TRPM3: variants seen among roughly 807,000 people sequenced by gnomAD.
The protein encoded by TRPM3 is long transient receptor potential channel 3.
TRPM3 carries 77 observed loss-of-function variants against 181.2 expected under a neutral mutation model. That is an observed-to-expected ratio of 0.42 (90% CI 0.35 to 0.51). TRPM3 has a LOEUF of 0.51. Ranked by LOEUF, TRPM3 falls within the 20% of genes least tolerant of loss-of-function variation. The pLI, the probability that TRPM3 is intolerant of heterozygous loss-of-function variation, is 0.01. For synonymous variants in TRPM3, 745 were observed against 796.4 expected, an observed-to-expected ratio of 0.94 and a Z score of 1.09; for missense variants, 1,759 against 2,196.7, an observed-to-expected ratio of 0.80 and a Z score of 3.98.
chr9:70,658,854 A>T (rs2060723792), intron 9 of TRPM3, among the ~76,000 whole-genome samples: 1 of 152,032 alleles, frequency 6.6e-6, no homozygotes, highest in African/African-American at 2.4e-5. Context: ...TATCAAGCAG[A>T]ACAGGAATTA....
intron 1 of TRPM3, among the ~76,000 whole-genome samples, chr9:71,336,596 A>C (rs1166785767): frequency 2.6e-5 from 4 of 152,192 alleles, no homozygotes; most frequent in Non-Finnish European, 5.9e-5. Context: ...AATTAGAAAA[A>C]AACTACTTTA....
At chr9:71,349,968 CATATATAT>C (rs758622802) in intron 1 of TRPM3, among the ~76,000 whole-genome samples, 1 of 67,938 alleles carries the variant, frequency 1.5e-5, no homozygotes, top group African/African-American at 5.1e-5. Flanking sequence ...ATTGTAAGTG[CATATATAT>C]ATATATATAT....
Position 71,376,398 on chromosome 9 carries a change from T to C in TRPM3, c.183+70255A>G, listed in dbSNP as rs559435937. Among the ~76,000 whole-genome samples the C allele has an allele frequency of 3.3e-4, 50 of 152,242 alleles. 1 individual carries two copies. Among genetic ancestry groups the C allele is most frequent in the African/African-American group, 1.2e-3 (49 of 41,584 alleles). On this transcript the variant is annotated intron_variant, in intron 1 of 24. Transcript: ENST00000357533. Reference sequence around the variant, plus strand: ...TTTTAATAGAATAAGGTTATAAATATGTATCATTGCTTTCATAATTATCAG... The same window carrying C: ...TTTTAATAGAATAAGGTTATAAATACGTATCATTGCTTTCATAATTATCAG...
chr9:70,593,578 A>G (rs2058491543), intron 21 of TRPM3, among the ~76,000 whole-genome samples: 1 of 152,154 alleles, frequency 6.6e-6, no homozygotes, highest in African/African-American at 2.4e-5. Context: ...TGATTGTGCT[A>G]TCTATCCAAA....
chr9:71,431,582 C>T (rs2093953986), intron 1 of TRPM3, among the ~76,000 whole-genome samples: 1 of 152,138 alleles, frequency 6.6e-6, no homozygotes, highest in Non-Finnish European at 1.5e-5. Flanking sequence ...TGCTTACACT[C>T]TTTTTATCAT....
At chr9:71,086,539 AGGT>A (rs1290127617) in intron 1 of TRPM3, among the ~76,000 whole-genome samples, 1 of 151,952 alleles carries the variant, frequency 6.6e-6, no homozygotes, top group Non-Finnish European at 1.5e-5. Context: ...TAACCAAAAG[AGGT>A]CAAAGTATCA....
chr9:71,032,751 T>C (rs187126187), intron 1 of TRPM3, among the ~76,000 whole-genome samples: 1 of 152,340 alleles, frequency 6.6e-6, no homozygotes, highest in East Asian at 1.9e-4. Flanking sequence ...TTTTGTGTAG[T>C]ACATGGCTAT....
intron 1 of TRPM3, among the ~76,000 whole-genome samples, chr9:70,948,636 A>G (rs2096962213): frequency 6.6e-6 from 1 of 152,184 alleles, no homozygotes; most frequent in Non-Finnish European, 1.5e-5. Flanking sequence ...GAAGCCTATT[A>G]AACATCTCTG....
At chr9:70,856,894 T>C (rs911889342) in intron 3 of TRPM3, among the ~76,000 whole-genome samples, 2 of 152,144 alleles carry the variant, frequency 1.3e-5, no homozygotes, top group African/African-American at 4.8e-5. Flanking sequence ...CAGCATTAAT[T>C]GGAAGAGATG....
intron 1 of TRPM3, among the ~76,000 whole-genome samples, chr9:71,171,032 C>A (rs568019974): frequency 6.4e-4 from 35 of 54,682 alleles, no homozygotes; most frequent in African/African-American, 1.0e-3. Context: ...TATAAACAGC[C>A]CCCCCCAGGT....
chr9:70,549,149 C>G (rs1268246626), intron 25 of TRPM3, among the ~76,000 whole-genome samples: 3 of 152,234 alleles, frequency 2.0e-5, no homozygotes, highest in Non-Finnish European at 4.4e-5. Flanking sequence ...GGCTGTTCAA[C>G]TCCTCTGGAA....
At chr9:71,080,492 C>T (rs1262011509) in intron 1 of TRPM3, among the ~76,000 whole-genome samples, 1 of 152,134 alleles carries the variant, frequency 6.6e-6, no homozygotes, top group Non-Finnish European at 1.5e-5. Context: ...GCCATATTGA[C>T]ATTCTTAGTA....
intron 1 of TRPM3, among the ~76,000 whole-genome samples, chr9:70,913,154 T>C (rs1254026550): frequency 6.6e-6 from 1 of 152,184 alleles, no homozygotes; most frequent in African/African-American, 2.4e-5. Context: ...AACATTTTGT[T>C]TTCTTTTCCA....
chr9:70,913,971 T>C (rs1413722221), intron 1 of TRPM3, among the ~76,000 whole-genome samples: 1 of 152,222 alleles, frequency 6.6e-6, no homozygotes, highest in Admixed American at 6.5e-5. Context: ...TTGACCCCTT[T>C]CCATGTTTTC....
intron 9 of TRPM3, among the ~76,000 whole-genome samples, chr9:70,664,929 C>T (rs1277283929): frequency 6.6e-6 from 1 of 152,056 alleles, no homozygotes; most frequent in Non-Finnish European, 1.5e-5. Flanking sequence ...GGATTACAGG[C>T]GTGAGCCACC....
chr9:70,833,907 AG>A (rs2094125018), intron 5 of TRPM3, among the ~76,000 whole-genome samples: 1 of 152,062 alleles, frequency 6.6e-6, no homozygotes, highest in African/African-American at 2.4e-5. Flanking sequence ...TGTTTCTGGG[AG>A]GGAAGATGGG....
Position 70,536,595 on chromosome 9 carries a change from G to GT in TRPM3, c.4517dup (p.His1506GlnfsTer4). 1 of 1,614,144 alleles carries GT rather than the reference G, an allele frequency of 6.2e-7. No homozygotes were observed. Among genetic ancestry groups the GT allele is most frequent in the Non-Finnish European group, 8.5e-7 (1 of 1,180,008 alleles). ...GGCTACTTTTGGAACGCTCAATGGT[G>GT]TGGTACATCGGAGGCTCTGAGTCCC... On this transcript the variant is annotated frameshift_variant, in exon 26 of 26. Coordinates refer to ENST00000677713, the MANE Select transcript of TRPM3 (RefSeq NM_001366145.2). LOFTEE classifies it high-confidence loss of function.
At chr9:71,322,283 T>C (rs1166234645) in intron 1 of TRPM3, among the ~76,000 whole-genome samples, 2 of 152,152 alleles carry the variant, frequency 1.3e-5, no homozygotes, top group African/African-American at 2.4e-5. Flanking sequence ...TAACTGAATG[T>C]TAGCCTGTGA....
At chr9:70,777,758 A>C (rs1564236588) in intron 7 of TRPM3, among the ~76,000 whole-genome samples, 1 of 152,124 alleles carries the variant, frequency 6.6e-6, no homozygotes, top group South Asian at 2.1e-4. Context: ...GGAAAGTTAT[A>C]CTACTTTTCA....
Sources: gnomAD v4.1 joint callset for allele counts (sites outside exome capture counted in the v4.1 genomes callset) on GRCh38, gnomAD v4.1.1 for gene constraint, MANE v1.5 for transcripts, NCBI Gene and HGNC (gene_info 2026-07-23, HGNC 2026-07-21) for gene names.